The following PITPNC1 variants were observed in gnomAD, a reference collection of about 807,000 sequenced individuals.
PITPNC1 encodes phosphatidylinositol transfer protein cytoplasmic 1.
A neutral mutation model predicts 44.7 loss-of-function variants in PITPNC1; 18 were observed. The ratio of observed to expected loss-of-function variants is 0.40; its 90% CI spans 0.28 to 0.60. The LOEUF (loss-of-function observed/expected upper bound fraction) is 0.60. Ranked by LOEUF, PITPNC1 falls within the 20% of genes least tolerant of loss-of-function variation. PITPNC1 has a pLI of 0.39. For synonymous variants in PITPNC1, 141 were observed against 149.6 expected (o/e 0.94, Z 0.42); for missense variants, 290 against 418.4 (o/e 0.69, Z 2.68).
At chr17:67,625,927 C>G (rs751940970) in intron 5 of PITPNC1, among the ~76,000 whole-genome samples, 4 of 151,990 alleles carry the variant, frequency 2.6e-5, no homozygotes, top group Non-Finnish European at 2.9e-5. Flanking sequence ...AGGATGTCTC[C>G]CAGAATCCCT....
chr17:67,696,463 G>A lies in PITPNC1; in HGVS notation c.*3575G>A, dbSNP rs535820889. On this transcript the variant is annotated 3_prime_UTR_variant, in exon 9 of 9. Coordinates refer to ENST00000581322, the MANE Select transcript of PITPNC1 (RefSeq NM_012417.4). ...GTGTATAGCTGACTCTACATATAAT[G>A]TGTAATCAGATAATCCAATAGAGAG... 8.5e-5 allele frequency: 13 copies of A among 152,298 alleles called. No homozygotes were observed. Among genetic ancestry groups the A allele is most frequent in the African/African-American group, 2.9e-4 (12 of 41,572 alleles). The allele number at this position is 152,298 out of a possible 1,614,324, so 9.4% of individuals were successfully genotyped here.
At chr17:67,464,707 G>A (rs769164250) in intron 1 of PITPNC1, among the ~76,000 whole-genome samples, 28 of 151,734 alleles carry the variant, frequency 1.8e-4, no homozygotes, top group East Asian at 5.8e-4. Flanking sequence ...AATAAAGTTC[G>A]TAGGGTGTTT....
rs889560909 is a variant in PITPNC1 at position 67,646,379 on chromosome 17, A to G, written c.462+14141A>G. 2.0e-4 allele frequency among the ~76,000 whole-genome samples: 30 copies of G among 152,346 alleles called. 1 individual carries two copies. Among genetic ancestry groups the G allele is most frequent in the South Asian group, 1.7e-3 (8 of 4,826 alleles). On this transcript the variant is annotated intron_variant, in intron 6 of 8. Transcript: ENST00000581322. ...TACCCAAGAAAGAATAAGTGTTATT[A>G]AGGTGCTTGTCTTCATCTTTTATTA...
chr17:67,509,799 G>A (rs1319619153), intron 1 of PITPNC1, among the ~76,000 whole-genome samples: 1 of 152,140 alleles, frequency 6.6e-6, no homozygotes. Flanking sequence ...TTAACTCAGA[G>A]AAATATTATT....
chr17:67,577,574 A>G (rs2041166527), intron 4 of PITPNC1, among the ~76,000 whole-genome samples: 1 of 151,750 alleles, frequency 6.6e-6, no homozygotes, highest in Non-Finnish European at 1.5e-5. Context: ...ACAATAAAAA[A>G]TAATAAAATT....
intron 6 of PITPNC1, among the ~76,000 whole-genome samples, chr17:67,655,386 A>T (rs1182823334): frequency 2.0e-5 from 3 of 151,706 alleles, no homozygotes; most frequent in Non-Finnish European, 2.9e-5. Flanking sequence ...GTGAAACCCC[A>T]TCTCTACTAA....
At chr17:67,688,984 C>A (rs749384773) in intron 8 of PITPNC1, among the ~76,000 whole-genome samples, 2 of 152,232 alleles carry the variant, frequency 1.3e-5, no homozygotes, top group Non-Finnish European at 2.9e-5. Context: ...GGGCGTATCA[C>A]CTGAGGTCGG....
chr17:67,381,124 G>A (rs527736873), intron 1 of PITPNC1, among the ~76,000 whole-genome samples: 2 of 152,080 alleles, frequency 1.3e-5, no homozygotes, highest in African/African-American at 4.8e-5. Flanking sequence ...TCAGGAGATC[G>A]AGACCATCCT....
chr17:67,636,359 G>A (rs1270502064), intron 6 of PITPNC1, among the ~76,000 whole-genome samples: 1 of 151,808 alleles, frequency 6.6e-6, no homozygotes, highest in Non-Finnish European at 1.5e-5. Flanking sequence ...TTGTTCTACA[G>A]GAAGAGGTGA....
chr17:67,490,140 G>C (rs1321833842), intron 1 of PITPNC1, among the ~76,000 whole-genome samples: 1 of 150,518 alleles, frequency 6.6e-6, no homozygotes, highest in Non-Finnish European at 1.5e-5. Flanking sequence ...GTGTGTGTGT[G>C]TGTGTGTGTG....
intron 1 of PITPNC1, among the ~76,000 whole-genome samples, chr17:67,409,402 A>T (rs1014815765): frequency 6.6e-6 from 1 of 152,072 alleles, no homozygotes; most frequent in African/African-American, 2.4e-5. Context: ...ATTCTTATTC[A>T]TATGGATATC....
chr17:67,576,150 T>C (rs574389712), intron 4 of PITPNC1, among the ~76,000 whole-genome samples: 31 of 152,208 alleles, frequency 2.0e-4, no homozygotes, highest in African/African-American at 7.2e-4. Context: ...GTGCTGGGAT[T>C]ACAGGCATGA....
intron 1 of PITPNC1, among the ~76,000 whole-genome samples, chr17:67,413,081 T>A (rs2038528329): frequency 6.6e-6 from 1 of 152,232 alleles, no homozygotes; most frequent in Non-Finnish European, 1.5e-5. Context: ...ATTAAATTTC[T>A]TGTTCCTCTT....
intron 5 of PITPNC1, among the ~76,000 whole-genome samples, chr17:67,586,240 C>T (rs1316719884): frequency 6.6e-6 from 1 of 152,052 alleles, no homozygotes; most frequent in Non-Finnish European, 1.5e-5. Context: ...AAAGGAATAA[C>T]AAGATACTGT....
chr17:67,665,960 C>G lies in PITPNC1; in HGVS notation c.463-3548C>G, dbSNP rs192963937. Reference sequence around the variant, plus strand: ...GATTCAAGCGCTTCTCTTGCCTCAGCCTCCCTAGTAGCTGGGATTACAGGC... The same window carrying G: ...GATTCAAGCGCTTCTCTTGCCTCAGGCTCCCTAGTAGCTGGGATTACAGGC... On this transcript the variant is annotated intron_variant, in intron 6 of 8. Transcript: ENST00000581322. Among the ~76,000 whole-genome samples, 8 of 152,172 alleles carry G rather than the reference C, an allele frequency of 5.3e-5. No homozygotes were observed. The East Asian group carries it at 1.4e-3, about 26-fold the overall frequency.
intron 6 of PITPNC1, among the ~76,000 whole-genome samples, chr17:67,649,951 T>A (rs1428278871): frequency 6.6e-6 from 1 of 152,078 alleles, no homozygotes; most frequent in Non-Finnish European, 1.5e-5. Context: ...TGTGCCATCC[T>A]CCCAGCAGGT....
At chr17:67,562,872 G>T (rs2144192895) in intron 4 of PITPNC1, among the ~76,000 whole-genome samples, 1 of 152,268 alleles carries the variant, frequency 6.6e-6, no homozygotes, top group East Asian at 1.9e-4. Flanking sequence ...CTATCAAAAT[G>T]GGGAGATAAA....
At chr17:67,425,529 T>C (rs2038751769) in intron 1 of PITPNC1, among the ~76,000 whole-genome samples, 2 of 139,418 alleles carry the variant, frequency 1.4e-5, no homozygotes, top group African/African-American at 2.6e-5. Flanking sequence ...TCTTTCTTTC[T>C]TTTTTTTTTA....
intron 6 of PITPNC1, chr17:67,638,984 ATAG>A (rs1338668592): frequency 6.6e-6 from 1 of 152,136 alleles, no homozygotes; most frequent in Non-Finnish European, 1.5e-5. Flanking sequence ...TTCTCTGGGC[ATAG>A]TAGCATGTGC....
Sources: allele counts gnomAD v4.1 joint callset (sites outside exome capture counted in the v4.1 genomes callset), GRCh38; gene constraint gnomAD v4.1.1; transcripts MANE v1.5; gene names NCBI Gene and HGNC (gene_info 2026-07-23, HGNC 2026-07-21).